The following RNF213 variants were observed in gnomAD, a reference collection of about 807,000 sequenced individuals.
RNF213 encodes ring finger protein 213, also known as E3 ubiquitin-protein ligase RNF213.
In RNF213, 341 loss-of-function variants were observed where a neutral mutation model predicts 514.4. That is an observed-to-expected ratio of 0.66 (90% confidence interval 0.61 to 0.73). The LOEUF (loss-of-function observed/expected upper bound fraction) is 0.73, where lower values mean the gene tolerates loss of function less well. RNF213 is among the 30% of genes least tolerant of loss of function. The pLI, the probability that RNF213 is intolerant of heterozygous loss-of-function variation, is 0.00. For missense variants in RNF213, 5,767 were observed against 6,615.6 expected (o/e 0.87, Z 4.45); for synonymous variants, 2,655 against 2,658.2 (o/e 1.00, Z 0.04).
intron 28 of RNF213, 120 bp downstream of exon 28, chr17:80,344,135 T>G (rs2078240808): frequency 6.9e-6 from 7 of 1,017,190 alleles, no homozygotes; most frequent in Non-Finnish European, 1.0e-5. Context: ...GTGCAGCAGC[T>G]GAATGCAGTG....
intron 15 of RNF213, among the ~76,000 whole-genome samples, chr17:80,314,225 G>C (rs1342723701): frequency 7.7e-4 from 94 of 122,698 alleles, no homozygotes; most frequent in African/African-American, 2.9e-3. Flanking sequence ...TGATGGTGGT[G>C]GTGAAGGTGA....
chr17:80,269,701 C>T (rs2043753636), intron 2 of RNF213, among the ~76,000 whole-genome samples: 1 of 151,950 alleles, frequency 6.6e-6, no homozygotes, highest in African/African-American at 2.4e-5. Flanking sequence ...ATGTATCTAT[C>T]TTATGTATCT....
At position 80,383,903 on chromosome 17, in the gene RNF213, C is replaced by A; in HGVS notation, c.14297C>A (p.Pro4766His). 2.5e-6 allele frequency: 4 copies of A among 1,614,116 alleles called. No individual in the cohort carries two copies. Among genetic ancestry groups the A allele is most frequent in the Non-Finnish European group, 3.4e-6 (4 of 1,180,032 alleles). ...CAGAAAAATGGCAAAGAAAGAGTGC[C>A]CATCCTCTGGCATTTCCTGCAGAAG... is the stretch of plus-strand genomic sequence containing the variant. ...VEQKNGKERV[P>H]ILWHFLQKEA... is the part of the protein sequence containing the mutation. The change falls in exon 59 of 68, where the codon CCC becomes CAC. Residue 4766 changes from proline to histidine, a missense_variant. By Grantham distance (77) the Pro-to-His change is moderately conservative (BLOSUM62 -2). This residue lies in a region of RNF213 where 1,245 missense variants were observed against 1,339.0 expected (regional missense o/e 0.93). Coordinates refer to ENST00000582970, the MANE Select transcript of RNF213 (RefSeq NM_001256071.3).
intron 63 of RNF213, 62 bp downstream of exon 63, chr17:80,386,953 G>C: frequency 6.7e-7 from 1 of 1,498,686 alleles, no homozygotes; most frequent in South Asian, 1.2e-5. Flanking sequence ...AGCAGCCCTT[G>C]GTGTGTTTCT....
intron 36 of RNF213, among the ~76,000 whole-genome samples, chr17:80,357,556 A>G (rs2078879466): frequency 6.6e-6 from 1 of 152,262 alleles, no homozygotes; most frequent in African/African-American, 2.4e-5. Flanking sequence ...ATTATAGTCT[A>G]TCTACAACAG....
At chr17:80,391,684 A>G (rs1217666634) in intron 67 of RNF213, among the ~76,000 whole-genome samples, 1 of 151,498 alleles carries the variant, frequency 6.6e-6, no homozygotes, top group African/African-American at 2.4e-5. Flanking sequence ...GTCAAATCTG[A>G]CAGAATTTTC....
At position 80,306,400 on chromosome 17, in the gene RNF213, C is replaced by T. The variant is rs375566084; in HGVS notation, c.2359C>T (p.His787Tyr). Residue 787 changes from histidine (H) to tyrosine (Y), a missense_variant, in exon 12 of 68, where the codon CAT becomes TAT. His to Tyr is a moderately conservative substitution (Grantham distance 83). Around this residue, in one of 13 missense-constraint regions of RNF213, gnomAD observed 592 missense variants for 673.9 expected, o/e 0.88. Coordinates refer to ENST00000582970, the MANE Select transcript of RNF213 (RefSeq NM_001256071.3). Reference protein sequence around the residue: ...FIEHLGRFPAHILDCLSGIYY... With the variant: ...FIEHLGRFPAYILDCLSGIYY... ...TGAGCACCTGGGTCGTTTTCCTGCT[C>T]ATATCCTGGACTGTCTTTCAGGGAT... is the stretch of plus-strand genomic sequence containing the variant. The T allele has an allele frequency of 4.0e-5, 65 of 1,614,052 alleles. No homozygotes were observed. The highest frequency in any genetic ancestry group is 5.1e-5 in the Non-Finnish European group (60 of 1,180,052).
chr17:80,379,455 C>G, intron 54 of RNF213, 165 bp from the exon 55 acceptor site: 1 of 712,114 alleles, frequency 1.4e-6, no homozygotes, highest in Non-Finnish European at 2.6e-6. Context: ...TGAGTACCTA[C>G]CCTGTTCCCA....
chr17:80,353,885 G>A lies in RNF213; in HGVS notation c.10579-134G>A, dbSNP rs73440754. 110 of 1,291,634 alleles carry A rather than the reference G, an allele frequency of 8.5e-5. No homozygotes were observed. The highest frequency in any genetic ancestry group is 7.6e-4 in the African/African-American group (52 of 68,494). The allele number at this position is 1,291,634 out of a possible 1,614,324, so 80.0% of individuals were successfully genotyped here. On this transcript the variant is annotated intron_variant, in intron 34 of 67. Transcript: ENST00000582970. This position sits in a 1 kb window ranked among gnomAD's most constrained non-coding sequence, Gnocchi z 5.0. Reference sequence around the variant, plus strand: ...TGGGGGGTGCAGGGCGGAGGTCGGCGTCTCTTCTTTGTCCGTGAGGACCGC... The same window carrying A: ...TGGGGGGTGCAGGGCGGAGGTCGGCATCTCTTCTTTGTCCGTGAGGACCGC...
rs757605279 is a variant in RNF213, at chr17:80,372,525, C to G, written c.12542C>G (p.Ser4181Ter). The change falls in exon 48 of 68, where the codon TCA becomes TGA. Residue 4181 changes from serine to a stop codon, truncating the protein, a stop_gained. Transcript: ENST00000582970. LOFTEE classifies it high-confidence loss of function. ...TTCTTGTTCCTTGTTCCTCAGGATT[C>G]AATACTTGAGAAGACCAGTGCTTAC... ...YMLFINCLED[S>*]ILEKTSAYSR... 2.5e-6 allele frequency: 4 copies of G among 1,611,128 alleles called. No individual in the cohort carries two copies. Among genetic ancestry groups the G allele is most frequent in the Non-Finnish European group, 3.4e-6 (4 of 1,177,688 alleles).
intron 17 of RNF213, chr17:80,320,036 G>A (rs371498826): frequency 2.2e-5 from 22 of 1,020,200 alleles, no homozygotes; most frequent in African/African-American, 1.7e-4. Flanking sequence ...GATATTGTTC[G>A]TATGCCATAC....
chr17:80,349,753 A>G lies in RNF213; in HGVS notation c.9952-17A>G, dbSNP rs780528039. On this transcript the variant is annotated splice_polypyrimidine_tract_variant and intron_variant, in intron 29 of 67. Coordinates refer to ENST00000582970, the MANE Select transcript of RNF213 (RefSeq NM_001256071.3). ...CCTTGAAGTCTGGCAAGTAATTTGC[A>G]TTTCTTAACTCTGTAGATCACCACT... 5.6e-6 allele frequency: 9 copies of G among 1,613,932 alleles called. No homozygotes were observed. In the African/African-American group the frequency reaches 9.3e-5, roughly 17 times the overall value.
intron 3 of RNF213, among the ~76,000 whole-genome samples, chr17:80,275,735 C>G (rs1033693198): frequency 1.3e-5 from 2 of 152,026 alleles, no homozygotes; most frequent in African/African-American, 4.8e-5. Context: ...CATCTCAGCT[C>G]AACTGCAACC....
chr17:80,374,262 A>G (rs2079649619), intron 49 of RNF213, among the ~76,000 whole-genome samples, 196 bp from the exon 50 acceptor site: 1 of 152,106 alleles, frequency 6.6e-6, no homozygotes, highest in African/African-American at 2.4e-5. Context: ...CTGCACTTGC[A>G]CCTCTTCGTC....
At chr17:80,290,401 GCT>G (rs1273829375) in intron 6 of RNF213, among the ~76,000 whole-genome samples, 167 bp from the exon 7 acceptor site, 2 of 145,522 alleles carry the variant, frequency 1.4e-5, no homozygotes, top group African/African-American at 2.7e-5. Flanking sequence ...GTGTACGTGT[GCT>G]TGTGTGTGTG....
At position 80,377,773 on chromosome 17, in the gene RNF213, G is replaced by A. The variant is rs765019511; in HGVS notation, c.13522G>A (p.Gly4508Ser). The A allele has an allele frequency of 4.3e-6, 7 of 1,614,010 alleles. No individual in the cohort carries two copies. Among genetic ancestry groups the A allele is most frequent in the African/African-American group, 1.3e-5 (1 of 74,882 alleles). ...TGTTCTCTTCACAGCTTGTCCCAAC[G>A]GCCATCCTTGCTCCGTGGGAGAGGT... ...ERVHWYTCPN[G>S]HPCSVGECGR... is the part of the protein sequence containing the mutation. The change falls in exon 54 of 68, where the codon GGC (glycine) becomes AGC (serine). Residue 4508 changes from glycine to serine, a missense_variant. Around this residue, in one of 13 missense-constraint regions of RNF213, gnomAD observed 1,245 missense variants for 1,339.0 expected, o/e 0.93. Transcript: ENST00000582970. This position sits in a 1 kb window ranked among gnomAD's most constrained non-coding sequence, Gnocchi z 4.1.
Position 80,347,468 on chromosome 17 carries a change from C to G in RNF213, c.9133C>G (p.Leu3045Val). 3 of 1,614,072 alleles carry G rather than the reference C, an allele frequency of 1.9e-6. No homozygotes were observed. The highest frequency in any genetic ancestry group is 2.5e-6 in the Non-Finnish European group (3 of 1,180,046). Residue 3045 changes from leucine (L) to valine (V), a missense_variant, in exon 29 of 68, where the codon CTG (leucine) becomes GTG (valine). This residue lies in a region of RNF213 where 919 missense variants were observed against 1,121.0 expected (regional missense o/e 0.82). Coordinates refer to ENST00000582970, the MANE Select transcript of RNF213 (RefSeq NM_001256071.3). The surrounding 1 kb of genome is among the most constrained non-coding windows in gnomAD (Gnocchi z 7.2). The part of the protein sequence containing the change: ...EDAESRYLLV[L>V]TKNYVALQIL... The stretch of plus-strand genomic sequence containing the variant: ...TGCTGAGTCCCGCTACTTACTCGTG[C>G]TGACCAAAAACTACGTGGCACTGCA...
At chr17:80,270,243 C>T (rs74687017) in intron 2 of RNF213, among the ~76,000 whole-genome samples, 2,899 of 152,350 alleles carry the variant, frequency 0.019, 59 homozygotes, top group East Asian at 0.11. Context: ...CCAGCAGGGC[C>T]TGACTCAGCA....
intron 23 of RNF213, 46 bp downstream of exon 23, chr17:80,336,424 T>C (rs2077989520): frequency 1.3e-6 from 2 of 1,493,938 alleles, no homozygotes; most frequent in Non-Finnish European, 1.8e-6. Context: ...GAATAGAGCA[T>C]TGCTTAGCAA....
Sources: gnomAD v4.1 joint callset for allele counts (sites outside exome capture counted in the v4.1 genomes callset) on GRCh38, gnomAD v4.1.1 for gene constraint, gnomAD v4.1.1 regional missense constraint, Gnocchi (gnomAD v3.1) non-coding constraint, MANE v1.5 for transcripts, NCBI Gene and HGNC (gene_info 2026-07-23, HGNC 2026-07-21) for gene names.